VTI1B: variants seen among roughly 807,000 people sequenced by gnomAD.
The protein encoded by VTI1B is vesicle transport through interaction with t-SNAREs homolog 1B.
Under a neutral mutation model 28.6 loss-of-function variants are expected in VTI1B, and 18 were observed. That is an observed-to-expected ratio of 0.63 (90% CI 0.43 to 0.93). VTI1B has a LOEUF of 0.93. Ranked by LOEUF, VTI1B falls within the 40% of genes least tolerant of loss-of-function variation. The pLI is 0.00. For synonymous variants in VTI1B, 100 were observed against 107.9 expected, an observed-to-expected ratio of 0.93 and a Z score of 0.46; for missense variants, 283 against 297.0, an observed-to-expected ratio of 0.95 and a Z score of 0.35.
chr14:67,657,967 T>C (rs1230839376), intron 3 of VTI1B, among the ~76,000 whole-genome samples: 1 of 152,076 alleles, frequency 6.6e-6, no homozygotes, highest in Non-Finnish European at 1.5e-5. Context: ...CAGGCTGGTC[T>C]CGAACTCCTG....
chr14:67,661,783 C>G (rs1424135749), intron 2 of VTI1B, among the ~76,000 whole-genome samples: 2 of 152,112 alleles, frequency 1.3e-5, no homozygotes, highest in Admixed American at 6.6e-5. Flanking sequence ...ATCCTCCCAC[C>G]TTGGCATCTC....
At chr14:67,672,831 G>A (rs544350203) in intron 1 of VTI1B, among the ~76,000 whole-genome samples, 2 of 152,226 alleles carry the variant, frequency 1.3e-5, no homozygotes, top group African/African-American at 2.4e-5. Context: ...TTAGAAAAAG[G>A]CACAAGTCTT....
chr14:67,667,817 G>C (rs1310106885), intron 1 of VTI1B, among the ~76,000 whole-genome samples: 1 of 152,084 alleles, frequency 6.6e-6, no homozygotes, highest in Non-Finnish European at 1.5e-5. Context: ...GGTGGTGGGC[G>C]CCTGTAGTCC....
At chr14:67,660,253 C>A (rs1244671232) in intron 2 of VTI1B, 17 of 171,342 alleles carry the variant, frequency 9.9e-5, no homozygotes, top group Non-Finnish European at 2.0e-4. Flanking sequence ...TGCTCCATTT[C>A]ATATATAAGA....
At chr14:67,660,335 G>A (rs2037320067) in intron 2 of VTI1B, 1 of 156,102 alleles carries the variant, frequency 6.4e-6, no homozygotes, top group Admixed American at 6.4e-5. Flanking sequence ...CTGTAATCCT[G>A]GCACTTTGGG....
chr14:67,664,560 G>C (rs982864859), intron 1 of VTI1B, among the ~76,000 whole-genome samples: 4 of 148,736 alleles, frequency 2.7e-5, no homozygotes, highest in African/African-American at 1.0e-4. Flanking sequence ...GCAGTGGCTC[G>C]GTCTCGGTTC....
intron 1 of VTI1B, among the ~76,000 whole-genome samples, chr14:67,671,060 A>G (rs1342240181): frequency 1.3e-5 from 2 of 152,236 alleles, no homozygotes; most frequent in African/African-American, 4.8e-5. Context: ...TTCAGAGATG[A>G]GGCACCATGT....
chr14:67,654,253 G>A (rs956050113), intron 4 of VTI1B, among the ~76,000 whole-genome samples: 5 of 152,098 alleles, frequency 3.3e-5, no homozygotes, highest in African/African-American at 7.2e-5. Flanking sequence ...ACAGGTGCAC[G>A]CCACCACACC....
rs369275938 is a variant in VTI1B at position 67,652,886 on chromosome 14, C to A, written c.602+551G>T. Among the ~76,000 whole-genome samples, 35 of 152,266 alleles carry A rather than the reference C, an allele frequency of 2.3e-4. 2 individuals carry two copies. The highest frequency in any genetic ancestry group is 8.4e-4 in the African/African-American group (35 of 41,548). On this transcript the variant is annotated intron_variant, in intron 5 of 5. Transcript: ENST00000554659. ...TCGGCTCACTGCAACCTCCACCCCC[C>A]AGGTTCAAGCAATTCTGTCTCAGCC...
intron 1 of VTI1B, among the ~76,000 whole-genome samples, chr14:67,670,225 C>T (rs185574565): frequency 6.6e-6 from 1 of 152,296 alleles, no homozygotes; most frequent in Admixed American, 6.5e-5. Flanking sequence ...AAAGAAAATC[C>T]ACATCAATCA....
chr14:67,656,091 C>T (rs1050833516), intron 4 of VTI1B, among the ~76,000 whole-genome samples: 4 of 151,910 alleles, frequency 2.6e-5, no homozygotes, highest in African/African-American at 4.8e-5. Context: ...ACTAAAAATA[C>T]AAACATTAGC....
chr14:67,660,131 G>T (rs943414743), intron 2 of VTI1B: 2 of 518,042 alleles, frequency 3.9e-6, no homozygotes, highest in African/African-American at 3.9e-5. Context: ...GCAGGCATTC[G>T]AGTATATGAA....
chr14:67,661,300 GT>G lies in VTI1B; in HGVS notation c.174+1176del, dbSNP rs1185912937. On this transcript the variant is annotated intron_variant, in intron 2 of 5. Transcript: ENST00000554659. ...GAGCAAAAAAAAAAAAAAAAAAAAA[GT>G]TTTTTTTTTTTAAAGAAAAGCCACA... 3.2e-3 allele frequency among the ~76,000 whole-genome samples: 276 copies of G among 86,718 alleles called. 2 individuals carry two copies. The highest frequency in any genetic ancestry group is 5.9e-3 in the Admixed American group (49 of 8,270). 56.9% of individuals were successfully genotyped at this position (86,718 alleles called of 152,430 possible).
chr14:67,654,269 C>T (rs1166708980), intron 4 of VTI1B, among the ~76,000 whole-genome samples: 1 of 152,110 alleles, frequency 6.6e-6, no homozygotes, highest in Non-Finnish European at 1.5e-5. Flanking sequence ...ACACCCTGCT[C>T]CTTTTTTTGA....
rs1295536471 is a variant in VTI1B at position 67,659,837 on chromosome 14, T to A, written c.260A>T (p.Asp87Val). The change falls in exon 3 of 6, where the codon GAC becomes GTC. Residue 87 changes from aspartate to valine, a missense_variant. Asp to Val is a radical substitution (Grantham distance 152, BLOSUM62 -3). Coordinates refer to ENST00000554659, the MANE Select transcript of VTI1B (RefSeq NM_006370.3). Reference protein sequence around the residue: ...MMSKLRNYRKDLAKLHREVRS... With the variant: ...MMSKLRNYRKVLAKLHREVRS... ...CACCTCCCGATGGAGTTTAGCAAGGTCCTTCCGGTAGTTTCGAAGCTTAGA... is the reference window on the plus strand; with the variant it reads ...CACCTCCCGATGGAGTTTAGCAAGGACCTTCCGGTAGTTTCGAAGCTTAGA... 6.2e-7 allele frequency: 1 copy of A among 1,614,212 alleles called. No homozygotes were observed. The highest frequency in any genetic ancestry group is 1.7e-5 in the Admixed American group (1 of 60,034).
rs777602887 is a variant in VTI1B at position 67,648,079 on chromosome 14, T to C, written c.*3306A>G. The C allele has an allele frequency of 2.3e-5, 37 of 1,613,592 alleles. No individual in the cohort carries two copies. In the Admixed American group the frequency reaches 4.8e-4, roughly 21 times the overall value. On this transcript the variant is annotated 3_prime_UTR_variant, in exon 6 of 6. Transcript: ENST00000554659. ...AGACCAATCCATTTGAGTTTTGATA[T>C]TGATGCATTTGACCCTACACTGGCT...
At position 67,650,554 on chromosome 14, in the gene VTI1B, C is replaced by T. The variant is rs1368857812; in HGVS notation, c.*831G>A. ...CAGTGTTTTAACTTAAATTCATGGC[C>T]AAGAGGATGAGGTGCAAGGGGCTTC... On this transcript the variant is annotated 3_prime_UTR_variant, in exon 6 of 6. Transcript: ENST00000554659. The T allele has an allele frequency of 1.6e-6, 1 of 625,666 alleles. No homozygotes were observed. 38.8% of individuals were successfully genotyped at this position (625,666 alleles called of 1,614,324 possible). A position where few individuals can be genotyped will look rare whatever the true frequency, so the allele number is the denominator to read the frequency against.
At chr14:67,659,128 TA>T (rs2037304025) in intron 3 of VTI1B, among the ~76,000 whole-genome samples, 1 of 152,244 alleles carries the variant, frequency 6.6e-6, no homozygotes, top group Non-Finnish European at 1.5e-5. Flanking sequence ...TCCAATTTTA[TA>T]AATCAGAATC....
chr14:67,663,204 T>C (rs762764229), intron 1 of VTI1B: 3 of 1,499,224 alleles, frequency 2.0e-6, no homozygotes, highest in South Asian at 1.2e-5. Flanking sequence ...TGAACAAAAA[T>C]AGAACAGGCT....
Sources: allele counts gnomAD v4.1 joint callset (sites outside exome capture counted in the v4.1 genomes callset), GRCh38; gene constraint gnomAD v4.1.1; transcripts MANE v1.5; gene names NCBI Gene and HGNC (gene_info 2026-07-23, HGNC 2026-07-21).